GRIK2: variants seen among roughly 807,000 people sequenced by gnomAD.
GRIK2 encodes glutamate ionotropic receptor kainate type subunit 2.
GRIK2 carries 32 observed loss-of-function variants against 100.3 expected under a neutral mutation model. The observed-to-expected ratio is 0.32, with a 90% CI of 0.24 to 0.43. GRIK2 has a LOEUF of 0.43. Among genes scored for constraint, GRIK2 ranks in the 20% least tolerant of loss-of-function variants. The pLI is 1.00. For synonymous variants in GRIK2, 417 were observed against 389.4 expected, an observed-to-expected ratio of 1.07 and a Z score of -0.83; for missense variants, 843 against 1,114.9, an observed-to-expected ratio of 0.76 and a Z score of 3.47.
At chr6:101,407,386 TAATGTC>T (rs1775648190) in intron 2 of GRIK2, among the ~76,000 whole-genome samples, 1 of 152,106 alleles carries the variant, frequency 6.6e-6, no homozygotes, top group Admixed American at 6.6e-5. Context: ...AAATTGCAAT[TAATGTC>T]AGATTTTATA....
At chr6:101,779,383 T>A (rs191840869) in intron 7 of GRIK2, among the ~76,000 whole-genome samples, 3 of 152,320 alleles carry the variant, frequency 2.0e-5, no homozygotes, top group Non-Finnish European at 4.4e-5. Context: ...TTAATGAATA[T>A]TTAAATATAT....
chr6:101,980,512 C>G (rs1793650495), intron 14 of GRIK2, among the ~76,000 whole-genome samples: 1 of 151,878 alleles, frequency 6.6e-6, no homozygotes. Flanking sequence ...GCTCTTATCT[C>G]TATAATAAAT....
At chr6:101,910,629 T>C (rs1237360947) in intron 12 of GRIK2, among the ~76,000 whole-genome samples, 1 of 151,358 alleles carries the variant, frequency 6.6e-6, no homozygotes, top group Non-Finnish European at 1.5e-5. Flanking sequence ...GTTGTACATG[T>C]GAATCATATG....
intron 7 of GRIK2, among the ~76,000 whole-genome samples, chr6:101,764,682 C>T (rs1023529263): frequency 6.6e-6 from 1 of 152,024 alleles, no homozygotes; most frequent in Non-Finnish European, 1.5e-5. Context: ...AGGTCTCACC[C>T]TGTTACCCAG....
chr6:101,727,022 T>G (rs1774918240), intron 7 of GRIK2, among the ~76,000 whole-genome samples: 1 of 152,062 alleles, frequency 6.6e-6, no homozygotes, highest in African/African-American at 2.4e-5. Flanking sequence ...AACTTGCATT[T>G]TTCTCTTTGT....
At chr6:101,591,728 A>T (rs575611698) in intron 2 of GRIK2, among the ~76,000 whole-genome samples, 1 of 152,190 alleles carries the variant, frequency 6.6e-6, no homozygotes, top group African/African-American at 2.4e-5. Flanking sequence ...ACTATAAAGC[A>T]AACAGAATAA....
intron 14 of GRIK2, among the ~76,000 whole-genome samples, chr6:101,969,316 T>G (rs954361717): frequency 2.0e-5 from 3 of 152,006 alleles, no homozygotes; most frequent in African/African-American, 7.2e-5. Flanking sequence ...AGAAGTTATG[T>G]TTATGCATTT....
chr6:101,965,408 T>C (rs1218188234), intron 14 of GRIK2, among the ~76,000 whole-genome samples: 2 of 152,128 alleles, frequency 1.3e-5, no homozygotes, highest in Non-Finnish European at 2.9e-5. Context: ...TCTGTCACTC[T>C]CATCATGCCA....
At chr6:101,772,425 T>A (rs368474311) in intron 7 of GRIK2, among the ~76,000 whole-genome samples, 5 of 152,322 alleles carry the variant, frequency 3.3e-5, no homozygotes, top group Admixed American at 2.6e-4. Flanking sequence ...CAGTTCCCAC[T>A]GAAGATGCCA....
intron 2 of GRIK2, among the ~76,000 whole-genome samples, chr6:101,520,187 G>C (rs1774812619): frequency 6.8e-6 from 1 of 146,156 alleles, no homozygotes; most frequent in African/African-American, 2.6e-5. Flanking sequence ...ATAAATGGAA[G>C]AGAAATATTT....
At chr6:101,651,615 A>G (rs1026371701) in intron 4 of GRIK2, among the ~76,000 whole-genome samples, 1 of 152,136 alleles carries the variant, frequency 6.6e-6, no homozygotes, top group Non-Finnish European at 1.5e-5. Flanking sequence ...GTCATGGGGG[A>G]TGAGAGAGTA....
rs570045381 is a variant in GRIK2, at chr6:101,440,972, A to ATT, written c.115+41597_115+41598dup. The stretch of plus-strand genomic sequence containing the variant: ...TCTATCTTCTACCTTGCAGGCCTGA[A>ATT]TTTTTTTTTTTTTTTTTTAAGACAG... On this transcript the variant is annotated intron_variant, in intron 2 of 16. Coordinates refer to ENST00000369134, the MANE Select transcript of GRIK2 (RefSeq NM_021956.5). Among the ~76,000 whole-genome samples, 982 of 135,974 alleles carry ATT rather than the reference A, an allele frequency of 7.2e-3. 9 individuals are homozygous for ATT. The highest frequency in any genetic ancestry group is 0.026 in the African/African-American group (948 of 36,820). 89.2% of individuals were successfully genotyped at this position (135,974 alleles called of 152,430 possible).
chr6:101,699,478 G>T (rs1343516182), intron 7 of GRIK2, among the ~76,000 whole-genome samples: 2 of 152,166 alleles, frequency 1.3e-5, no homozygotes, highest in Admixed American at 1.3e-4. Flanking sequence ...TCTTCTCTGA[G>T]ACTATCAGGC....
intron 2 of GRIK2, among the ~76,000 whole-genome samples, chr6:101,426,654 C>T (rs192450126): frequency 6.6e-6 from 1 of 152,262 alleles, no homozygotes; most frequent in Admixed American, 6.5e-5. Context: ...TGTCTACAGG[C>T]ACTCAAATGG....
intron 4 of GRIK2, among the ~76,000 whole-genome samples, chr6:101,646,332 T>G (rs1312936439): frequency 2.6e-5 from 4 of 151,992 alleles, no homozygotes; most frequent in African/African-American, 9.7e-5. Flanking sequence ...CTAATTATAA[T>G]GCTGTGCATC....
chr6:101,690,415 CT>C (rs1221189207), intron 7 of GRIK2, among the ~76,000 whole-genome samples: 1 of 152,122 alleles, frequency 6.6e-6, no homozygotes, highest in African/African-American at 2.4e-5. Context: ...TCATTAAGCA[CT>C]GTCAATTTTA....
At position 101,497,496 on chromosome 6, in the gene GRIK2, T is replaced by C. The variant is rs111917735; in HGVS notation, c.115+98104T>C. On this transcript the variant is annotated intron_variant, in intron 2 of 16. Transcript: ENST00000369134. ...ACTCTTATTGAGTTTTGTGGAAATATGACATTTTGCAGTTTTGATTGTCAC... is the reference window on the plus strand; with the variant it reads ...ACTCTTATTGAGTTTTGTGGAAATACGACATTTTGCAGTTTTGATTGTCAC... Among the ~76,000 whole-genome samples, 506 of 152,258 alleles carry C rather than the reference T, an allele frequency of 3.3e-3. 3 individuals are homozygous for C. The highest frequency in any genetic ancestry group is 0.012 in the African/African-American group (485 of 41,550).
intron 2 of GRIK2, among the ~76,000 whole-genome samples, chr6:101,550,932 G>A (rs1582696777): frequency 1.3e-5 from 2 of 152,128 alleles, no homozygotes; most frequent in Admixed American, 6.6e-5. Context: ...GAAGCCATTT[G>A]GCATAGAATC....
At chr6:101,415,786 C>T (rs796502196) in intron 2 of GRIK2, among the ~76,000 whole-genome samples, 10 of 152,286 alleles carry the variant, frequency 6.6e-5, no homozygotes, top group African/African-American at 2.4e-4. Context: ...GAATTTGAAA[C>T]TGGCTCTCCG....
Sources: allele counts gnomAD v4.1 joint callset (sites outside exome capture counted in the v4.1 genomes callset), GRCh38; gene constraint gnomAD v4.1.1; transcripts MANE v1.5; gene names NCBI Gene and HGNC (gene_info 2026-07-23, HGNC 2026-07-21).